Variants in PCDHGA4 observed in about 807,000 individuals in gnomAD.
The protein encoded by PCDHGA4 is protocadherin gamma subfamily A, 4.
PCDHGA4 carries 38 observed loss-of-function variants against 54.6 expected under a neutral mutation model. That is an observed-to-expected ratio of 0.70 (90% CI 0.54 to 0.91). The LOEUF (loss-of-function observed/expected upper bound fraction) is 0.91. Ranked by LOEUF, PCDHGA4 falls within the 40% of genes least tolerant of loss-of-function variation. PCDHGA4 has a pLI of 0.00. For synonymous variants in PCDHGA4, 511 were observed against 512.9 expected (o/e 1.00, Z 0.05); for missense variants, 1,298 against 1,220.9 (o/e 1.06, Z -0.94).
intron 1 of PCDHGA4, chr5:141,410,798 T>C: frequency 1.4e-6 from 1 of 712,186 alleles, no homozygotes; most frequent in Non-Finnish European, 2.1e-6. Flanking sequence ...CATAAGTTGC[T>C]CTATCTTTTT....
intron 1 of PCDHGA4, chr5:141,428,224 G>A (rs1232582892): frequency 1.7e-6 from 2 of 1,164,198 alleles, no homozygotes; most frequent in Non-Finnish European, 1.3e-6. Flanking sequence ...AGTCTTCGCA[G>A]ACAGCCTGCA....
chr5:141,433,993 T>G (rs1367687577), intron 1 of PCDHGA4, among the ~76,000 whole-genome samples: 1 of 152,216 alleles, frequency 6.6e-6, no homozygotes, highest in Non-Finnish European at 1.5e-5. Context: ...GAGTTTTATA[T>G]TCTCTATATA....
chr5:141,431,389 G>T lies in PCDHGA4; in HGVS notation c.2515-63418G>T, dbSNP rs1213370298. 1 of 1,613,876 alleles carries T rather than the reference G, an allele frequency of 6.2e-7. No homozygotes were observed. Among genetic ancestry groups the T allele is most frequent in the Admixed American group, 1.7e-5 (1 of 60,028 alleles). On this transcript the variant is annotated intron_variant, in intron 1 of 3. Transcript: ENST00000571252. This position sits in a 1 kb window ranked among gnomAD's most constrained non-coding sequence, Gnocchi z 4.8. ...GCGAAGAAAAGGCTGCTCACCACCT[G>T]GTCCTTACGGCCTCCGACGGGGGCG...
chr5:141,364,528 C>A (rs1445482375), intron 1 of PCDHGA4: 2 of 1,613,930 alleles, frequency 1.2e-6, no homozygotes, highest in Non-Finnish European at 1.7e-6. Context: ...GAGTCCGCAT[C>A]GTCTCCAGAG....
intron 1 of PCDHGA4, chr5:141,441,844 G>T: frequency 2.8e-6 from 1 of 355,710 alleles, no homozygotes. Context: ...CGCGCTCTTG[G>T]ATATGGTGCT....
At chr5:141,427,986 G>C in intron 1 of PCDHGA4, 1 of 1,598,018 alleles carries the variant, frequency 6.3e-7, no homozygotes, top group East Asian at 2.2e-5. Context: ...GCTGGGGCCC[G>C]ATGGCTCCGC....
chr5:141,486,688 C>G lies in PCDHGA4; in HGVS notation c.2515-8119C>G, dbSNP rs748605515. On this transcript the variant is annotated intron_variant, in intron 1 of 3. Coordinates refer to ENST00000571252, the MANE Select transcript of PCDHGA4 (RefSeq NM_018917.4). This position sits in a 1 kb window ranked among gnomAD's most constrained non-coding sequence, Gnocchi z 5.0. ...CCAGGAATCGAGATGTATCAGCTTCCTCTTTCATCTCTCTGAACCCCCAGA... is the reference window on the plus strand; with the variant it reads ...CCAGGAATCGAGATGTATCAGCTTCGTCTTTCATCTCTCTGAACCCCCAGA... The G allele has an allele frequency of 1.2e-6, 2 of 1,614,170 alleles. No homozygotes were observed. The highest frequency in any genetic ancestry group is 8.5e-7 in the Non-Finnish European group (1 of 1,180,044).
intron 1 of PCDHGA4, among the ~76,000 whole-genome samples, chr5:141,474,075 C>T (rs2099339724): frequency 6.6e-6 from 1 of 151,902 alleles, no homozygotes; most frequent in African/African-American, 2.4e-5. Flanking sequence ...GCCTCAGAAA[C>T]AAAAACCAAA....
rs753581561 is a variant in PCDHGA4, at chr5:141,485,195, T to G, written c.2515-9612T>G. 2.2e-5 allele frequency: 36 copies of G among 1,613,912 alleles called. No homozygotes were observed. Among genetic ancestry groups the G allele is most frequent in the Non-Finnish European group, 1.4e-5 (16 of 1,179,906 alleles). ...AGCAATGCTCCGCAAGGTGAGAAGC[T>G]GGACAGAAATCTGGCGGTGGGCTAC... is the stretch of plus-strand genomic sequence containing the variant. On this transcript the variant is annotated intron_variant, in intron 1 of 3. Transcript: ENST00000571252. The surrounding 1 kb of genome is among the most constrained non-coding windows in gnomAD (Gnocchi z 5.7).
chr5:141,428,368 C>T, intron 1 of PCDHGA4: 1 of 545,002 alleles, frequency 1.8e-6, no homozygotes, highest in Non-Finnish European at 3.4e-6. Context: ...GGTCGCCTTG[C>T]ACCTGCGATG....
chr5:141,382,186 T>G (rs896758285), intron 1 of PCDHGA4, among the ~76,000 whole-genome samples: 14 of 152,310 alleles, frequency 9.2e-5, no homozygotes, highest in Admixed American at 5.9e-4. Context: ...TAAGGTTCTA[T>G]ACAATCAAAA....
chr5:141,375,745 C>G (rs753247365), intron 1 of PCDHGA4: 4 of 1,614,238 alleles, frequency 2.5e-6, no homozygotes, highest in Non-Finnish European at 3.4e-6. Context: ...TTGTGCTGGA[C>G]CAGAATGACA....
chr5:141,400,062 T>A (rs2093953641), intron 1 of PCDHGA4: 2 of 1,613,652 alleles, frequency 1.2e-6, no homozygotes, highest in Middle Eastern at 1.7e-4. Flanking sequence ...TGCGTGATGG[T>A]GGACAGCCGC....
rs562156266 is a variant in PCDHGA4, at chr5:141,467,826, T to C, written c.2515-26981T>C. On this transcript the variant is annotated intron_variant, in intron 1 of 3. Transcript: ENST00000571252. ...GGCACATGCCACCACACCAGGCTGA[T>C]TTTTATATTTTTTTGTAGAATGAGA... Among the ~76,000 whole-genome samples, 96 of 151,894 alleles carry C rather than the reference T, an allele frequency of 6.3e-4. 3 individuals carry two copies. Among genetic ancestry groups the C allele is most frequent in the Admixed American group, 6.2e-3 (95 of 15,236 alleles).
chr5:141,492,908 A>G (rs1595151443), intron 1 of PCDHGA4, among the ~76,000 whole-genome samples: 2 of 152,302 alleles, frequency 1.3e-5, no homozygotes, highest in African/African-American at 4.8e-5. Context: ...TCGTGATCAC[A>G]ATGTGCCCAG....
Position 141,409,086 on chromosome 5 carries a change from A to G in PCDHGA4, c.2514+51465A>G, listed in dbSNP as rs1019017199. 6.8e-6 allele frequency: 11 copies of G among 1,613,904 alleles called. No homozygotes were observed. Among genetic ancestry groups the G allele is most frequent in the African/African-American group, 5.3e-5 (4 of 74,932 alleles). On this transcript the variant is annotated intron_variant, in intron 1 of 3. Transcript: ENST00000571252. ...AGCACAAAACATATGTTCTCATTGG[A>G]TGAGAAAACAGGTATGATTAAGAAT... is the stretch of plus-strand genomic sequence containing the variant.
chr5:141,434,253 G>C (rs979768901), intron 1 of PCDHGA4, among the ~76,000 whole-genome samples: 9 of 152,198 alleles, frequency 5.9e-5, no homozygotes, highest in Non-Finnish European at 1.3e-4. Flanking sequence ...CTTGGGCATT[G>C]TGGGGGAGGT....
chr5:141,491,982 T>G lies in PCDHGA4; in HGVS notation c.2515-2825T>G. On this transcript the variant is annotated intron_variant, in intron 1 of 3. Coordinates refer to ENST00000571252, the MANE Select transcript of PCDHGA4 (RefSeq NM_018917.4). This position sits in a 1 kb window ranked among gnomAD's most constrained non-coding sequence, Gnocchi z 6.9. Reference sequence around the variant, plus strand: ...AAAAGGCCGGGGCCTCCTTCGAGCTTCCGGTGAATTTCGGGCGATTTCCGC... The same window carrying G: ...AAAAGGCCGGGGCCTCCTTCGAGCTGCCGGTGAATTTCGGGCGATTTCCGC... The G allele has an allele frequency of 2.6e-6, 2 of 759,438 alleles. No homozygotes were observed. Among genetic ancestry groups the G allele is most frequent in the East Asian group, 3.2e-5 (1 of 31,728 alleles). The allele number at this position is 759,438 out of a possible 1,614,324, so 47.0% of individuals were successfully genotyped here. A position where few individuals can be genotyped will look rare whatever the true frequency, so the allele number is the denominator to read the frequency against.
At chr5:141,501,606 G>A (rs2099810134) in intron 2 of PCDHGA4, among the ~76,000 whole-genome samples, 1 of 152,012 alleles carries the variant, frequency 6.6e-6, no homozygotes, top group African/African-American at 2.4e-5. Flanking sequence ...AGTTCCAGCT[G>A]TGTGACTCTG....
Sources: gnomAD v4.1 joint callset for allele counts (sites outside exome capture counted in the v4.1 genomes callset) on GRCh38, gnomAD v4.1.1 for gene constraint, Gnocchi (gnomAD v3.1) non-coding constraint, MANE v1.5 for transcripts, NCBI Gene and HGNC (gene_info 2026-07-23, HGNC 2026-07-21) for gene names.